The following EDA variants were observed in gnomAD, a reference collection of about 807,000 sequenced individuals.
EDA encodes ectodysplasin-A.
In EDA, 2 loss-of-function variants were observed where a neutral mutation model predicts 23.6. That is an observed-to-expected ratio of 0.08 (90% CI 0.03 to 0.27). The LOEUF (loss-of-function observed/expected upper bound fraction) is 0.27, where lower values mean the gene tolerates loss of function less well. Among genes scored for constraint, EDA ranks in the 10% least tolerant of loss-of-function variants. The probability of loss-of-function intolerance (pLI) is 1.00; values close to 1 mark genes in which losing one functional copy is unlikely to be tolerated. For synonymous variants in EDA, 131 were observed against 132.0 expected, an observed-to-expected ratio of 0.99 and a Z score of 0.05; for missense variants, 229 against 324.2, an observed-to-expected ratio of 0.71 and a Z score of 2.26.
At position 69,723,564 on chromosome X, in the gene EDA, A is replaced by G. The variant is rs1460999619; in HGVS notation, c.396+106860A>G. Among the ~76,000 whole-genome samples, 6 of 112,105 alleles carry G rather than the reference A, an allele frequency of 5.4e-5. No individual in the cohort carries two copies. In the Admixed American group the frequency reaches 5.7e-4, roughly 11 times the overall value. ...GTACCTAAAATGATGCAGCAATTGTATGAAGGTCAGCAAACTGACATCATT... is the reference window on the plus strand; with the variant it reads ...GTACCTAAAATGATGCAGCAATTGTGTGAAGGTCAGCAAACTGACATCATT... On this transcript the variant is annotated intron_variant, in intron 1 of 7. Coordinates refer to ENST00000374552, the MANE Select transcript of EDA (RefSeq NM_001399.5).
intron 1 of EDA, among the ~76,000 whole-genome samples, chrX:69,725,779 A>T (rs2012775757): frequency 8.9e-6 from 1 of 112,546 alleles, no homozygotes; most frequent in South Asian, 3.7e-4. Context: ...TATCAGACCA[A>T]CCATCCCTCA....
chrX:69,687,624 A>G (rs966705420), intron 1 of EDA: 1 of 111,903 alleles, frequency 8.9e-6, no homozygotes, highest in African/African-American at 3.2e-5. Flanking sequence ...TATCATTTTA[A>G]AGAAAGTATT....
chrX:69,742,081 C>T (rs1335623606), intron 1 of EDA, among the ~76,000 whole-genome samples: 1 of 111,949 alleles, frequency 8.9e-6, no homozygotes, highest in African/African-American at 3.2e-5. Flanking sequence ...TTTTGAGTTT[C>T]CCAGCTTTTC....
chrX:69,991,720 G>T (rs781693544), intron 2 of EDA, among the ~76,000 whole-genome samples: 1 of 111,624 alleles, frequency 9.0e-6, no homozygotes, highest in African/African-American at 3.3e-5. Context: ...TCTCCTAGCC[G>T]GAGATCATTT....
At chrX:69,785,570 G>C (rs1430656010) in intron 1 of EDA, among the ~76,000 whole-genome samples, 2 of 110,479 alleles carry the variant, frequency 1.8e-5, no homozygotes. Context: ...TTTGTCTTTG[G>C]TTCTGTTTAT....
At chrX:69,773,564 C>T (rs937501642) in intron 1 of EDA, among the ~76,000 whole-genome samples, 2 of 111,448 alleles carry the variant, frequency 1.8e-5, no homozygotes, top group African/African-American at 6.5e-5. Context: ...CATATCCTTG[C>T]CAACACTTGT....
intron 1 of EDA, among the ~76,000 whole-genome samples, chrX:69,753,208 T>G (rs74923065): frequency 0.34 from 37,230 of 110,851 alleles, 5,233 homozygotes; most frequent in Middle Eastern, 0.57. Flanking sequence ...TCTCCTGTGG[T>G]CATTTAGTGC....
chrX:69,776,473 C>T (rs773112081), intron 1 of EDA, among the ~76,000 whole-genome samples: 92 of 111,557 alleles, frequency 8.2e-4, no homozygotes, highest in Non-Finnish European at 1.3e-3. Context: ...TTGCCTGCCA[C>T]GATGTAAGAC....
At chrX:69,959,313 T>A (rs1341157929) in intron 2 of EDA, among the ~76,000 whole-genome samples, 1 of 111,217 alleles carries the variant, frequency 9.0e-6, no homozygotes, top group Non-Finnish European at 1.9e-5. Context: ...AATCCAAGAG[T>A]CCCTTAGAGT....
At chrX:69,887,809 A>T (rs764257258) in intron 1 of EDA, among the ~76,000 whole-genome samples, 4 of 111,802 alleles carry the variant, frequency 3.6e-5, no homozygotes, top group Non-Finnish European at 7.5e-5. Context: ...ACCAACTAGG[A>T]ATATTATACC....
intron 1 of EDA, among the ~76,000 whole-genome samples, chrX:69,715,832 G>A (rs1441746799): frequency 9.0e-6 from 1 of 111,485 alleles, no homozygotes; most frequent in Non-Finnish European, 1.9e-5. Context: ...CTAATGATCA[G>A]TGATATTGAG....
intron 1 of EDA, among the ~76,000 whole-genome samples, chrX:69,772,924 A>G (rs1237610691): frequency 9.0e-6 from 1 of 111,636 alleles, no homozygotes; most frequent in African/African-American, 3.3e-5. Context: ...TTTAGACTGT[A>G]CCATTCAGTG....
chrX:69,933,607 G>A lies in EDA; in HGVS notation c.397-23420G>A, dbSNP rs767917841. Among the ~76,000 whole-genome samples, 447 of 110,559 alleles carry A rather than the reference G, an allele frequency of 4.0e-3. 6 individuals are homozygous for A. The highest frequency in any genetic ancestry group is 6.0e-3 in the Non-Finnish European group (319 of 52,852). ...CAGGAGAATCGCTTGAACCCGGGAGGCAGAGGTTGCAGTGAGCTGAAATCG... is the reference window on the plus strand; with the variant it reads ...CAGGAGAATCGCTTGAACCCGGGAGACAGAGGTTGCAGTGAGCTGAAATCG... On this transcript the variant is annotated intron_variant, in intron 1 of 7. Coordinates refer to ENST00000374552, the MANE Select transcript of EDA (RefSeq NM_001399.5).
At chrX:69,898,206 A>T (rs1369871535) in intron 1 of EDA, among the ~76,000 whole-genome samples, 1 of 112,069 alleles carries the variant, frequency 8.9e-6, no homozygotes, top group Non-Finnish European at 1.9e-5. Flanking sequence ...TGGAAGTTCC[A>T]TATGTATTTT....
chrX:69,719,958 T>G (rs1387842323), intron 1 of EDA, among the ~76,000 whole-genome samples: 1 of 110,171 alleles, frequency 9.1e-6, no homozygotes, highest in Non-Finnish European at 1.9e-5. Flanking sequence ...CCATGTTGGT[T>G]AGGCTCGTCT....
At chrX:69,919,915 CTAAGT>C (rs2018402254) in intron 1 of EDA, among the ~76,000 whole-genome samples, 1 of 111,587 alleles carries the variant, frequency 9.0e-6, no homozygotes, top group Non-Finnish European at 1.9e-5. Context: ...TAACTGCAGG[CTAAGT>C]TATTTGGCTA....
chrX:69,990,308 G>C (rs2019566226), intron 2 of EDA, among the ~76,000 whole-genome samples: 1 of 107,564 alleles, frequency 9.3e-6, no homozygotes, highest in Admixed American at 9.7e-5. Context: ...GACACCTGAA[G>C]GATAAAGAGC....
intron 1 of EDA, among the ~76,000 whole-genome samples, chrX:69,736,678 C>G (rs2013270692): frequency 9.1e-6 from 1 of 109,621 alleles, no homozygotes; most frequent in Non-Finnish European, 1.9e-5. Flanking sequence ...TTTTTGGTTA[C>G]TTGGCAGTGT....
intron 1 of EDA, among the ~76,000 whole-genome samples, chrX:69,940,134 AT>A (rs2018736226): frequency 9.0e-6 from 1 of 111,167 alleles, no homozygotes; most frequent in Non-Finnish European, 1.9e-5. Context: ...CTCATTCTCT[AT>A]TTTTTGGAAT....
Sources: gnomAD v4.1 joint callset for allele counts (sites outside exome capture counted in the v4.1 genomes callset) on GRCh38, gnomAD v4.1.1 for gene constraint, MANE v1.5 for transcripts, NCBI Gene and HGNC (gene_info 2026-07-23, HGNC 2026-07-21) for gene names.